Variants in OXCT1 observed in about 807,000 individuals in gnomAD.
The protein encoded by OXCT1 is 3-oxoacid CoA-transferase 1.
Under a neutral mutation model 69.6 loss-of-function variants are expected in OXCT1, and 27 were observed. The observed-to-expected ratio is 0.39, with a 90% CI of 0.29 to 0.54. The LOEUF (loss-of-function observed/expected upper bound fraction) is 0.54. OXCT1 is among the 20% of genes least tolerant of loss of function. The pLI is 0.72. For synonymous variants in OXCT1, 202 were observed against 217.8 expected, an observed-to-expected ratio of 0.93 and a Z score of 0.64; for missense variants, 437 against 650.2, an observed-to-expected ratio of 0.67 and a Z score of 3.57.
At chr5:41,830,353 T>C (rs1303489503) in intron 7 of OXCT1, among the ~76,000 whole-genome samples, 1 of 152,182 alleles carries the variant, frequency 6.6e-6, no homozygotes, top group Non-Finnish European at 1.5e-5. Context: ...CCTTTTTCTT[T>C]CTCTTAAAAG....
At chr5:41,817,848 G>A (rs1278978425) in intron 7 of OXCT1, among the ~76,000 whole-genome samples, 2 of 152,162 alleles carry the variant, frequency 1.3e-5, no homozygotes, top group African/African-American at 4.8e-5. Context: ...AGGAAACTAG[G>A]CACAGTAATA....
intron 11 of OXCT1, among the ~76,000 whole-genome samples, chr5:41,798,571 G>C (rs1746285341): frequency 6.6e-6 from 1 of 152,184 alleles, no homozygotes; most frequent in Non-Finnish European, 1.5e-5. Context: ...AAAACGACTA[G>C]TGCAGAGAGG....
intron 1 of OXCT1, chr5:41,869,969 A>C: frequency 2.4e-6 from 1 of 423,774 alleles, no homozygotes; most frequent in Admixed American, 3.5e-5. Flanking sequence ...CCAGGAGGGA[A>C]GCCGACGAGC....
At chr5:41,779,140 A>G (rs1745274696) in intron 13 of OXCT1, among the ~76,000 whole-genome samples, 1 of 152,200 alleles carries the variant, frequency 6.6e-6, no homozygotes, top group African/African-American at 2.4e-5. Context: ...TTGAAGTTTT[A>G]CCACCTCTCA....
intron 7 of OXCT1, among the ~76,000 whole-genome samples, chr5:41,826,375 T>C (rs1282103724): frequency 1.3e-5 from 2 of 152,182 alleles, no homozygotes; most frequent in African/African-American, 4.8e-5. Context: ...ATTTACAATG[T>C]AGTTCAATAG....
intron 9 of OXCT1, among the ~76,000 whole-genome samples, chr5:41,804,035 A>G (rs1166284868): frequency 1.3e-5 from 2 of 152,222 alleles, no homozygotes; most frequent in East Asian, 3.9e-4. Context: ...ATCTTCACAA[A>G]TCAAGGCCAG....
chr5:41,848,474 A>G lies in OXCT1; in HGVS notation c.564+1556T>C, dbSNP rs1471080359. Among the ~76,000 whole-genome samples the G allele has an allele frequency of 4.0e-4, 59 of 146,276 alleles. No homozygotes were observed. The South Asian group carries it at 0.013, about 31-fold the overall frequency. On this transcript the variant is annotated intron_variant, in intron 5 of 16. Transcript: ENST00000196371. The stretch of plus-strand genomic sequence containing the variant: ...GAACCAAAAAAGAGCCCGCATCGCC[A>G]AGTCAATCCTAAGCCAAAAGAACAA...
intron 15 of OXCT1, among the ~76,000 whole-genome samples, chr5:41,746,747 C>G (rs1256953999): frequency 6.6e-6 from 1 of 152,066 alleles, no homozygotes; most frequent in Non-Finnish European, 1.5e-5. Flanking sequence ...CCAAGAATAT[C>G]ACACTGAGGC....
chr5:41,801,938 G>T (rs981972214), intron 10 of OXCT1, among the ~76,000 whole-genome samples: 1 of 151,676 alleles, frequency 6.6e-6, no homozygotes, highest in African/African-American at 2.4e-5. Context: ...AGAAATATTG[G>T]CTGTGAAATT....
At chr5:41,758,732 G>T (rs1312678375) in intron 14 of OXCT1, among the ~76,000 whole-genome samples, 1 of 152,154 alleles carries the variant, frequency 6.6e-6, no homozygotes, top group Non-Finnish European at 1.5e-5. Flanking sequence ...TTACAGGTTT[G>T]TACCCAAGGC....
At chr5:41,789,617 G>A (rs955250110) in intron 13 of OXCT1, among the ~76,000 whole-genome samples, 3 of 152,164 alleles carry the variant, frequency 2.0e-5, no homozygotes, top group Admixed American at 6.5e-5. Context: ...AAAGTTTTAT[G>A]AGCTTTCCAC....
Position 41,850,114 on chromosome 5 carries a change from C to A in OXCT1, c.480G>T (p.Gly160=), listed in dbSNP as rs78432029. ...CTCCTTCTTGTACCAGGGTCCCATACCCTGTTGGGGTGTAAAATGCAGGAA... is the reference window on the plus strand; with the variant it reads ...CTCCTTCTTGTACCAGGGTCCCATAACCTGTTGGGGTGTAAAATGCAGGAA... The part of the protein sequence containing the change: ...AGVPAFYTPT[G]YGTLVQEGGS... Residue 160 remains glycine, a synonymous_variant, in exon 5 of 17, where the codon GGG becomes GGT. Transcript: ENST00000196371. The A allele has an allele frequency of 3.6e-3, 5,734 of 1,613,900 alleles. 71 individuals carry two copies. In the African/African-American group the frequency reaches 0.037, roughly 10 times the overall value.
At chr5:41,766,581 AAAC>A (rs956708462) in intron 13 of OXCT1, among the ~76,000 whole-genome samples, 41 of 150,998 alleles carry the variant, frequency 2.7e-4, no homozygotes, top group African/African-American at 8.6e-4. Flanking sequence ...AAAAAAAAAA[AAAC>A]AACAACAACA....
intron 13 of OXCT1, among the ~76,000 whole-genome samples, chr5:41,770,292 G>A (rs1376456551): frequency 2.6e-5 from 4 of 152,154 alleles, no homozygotes; most frequent in African/African-American, 9.7e-5. Flanking sequence ...AAAAGAGGTG[G>A]CTAAAATAAA....
chr5:41,815,045 C>T (rs1445539198), intron 7 of OXCT1, among the ~76,000 whole-genome samples: 1 of 151,946 alleles, frequency 6.6e-6, no homozygotes, highest in East Asian at 1.9e-4. Context: ...ATGGATAAAA[C>T]ACTCTGAACT....
chr5:41,732,552 T>C (rs1011291915), intron 16 of OXCT1, among the ~76,000 whole-genome samples: 1 of 152,172 alleles, frequency 6.6e-6, no homozygotes, highest in African/African-American at 2.4e-5. Flanking sequence ...TAATTCAACA[T>C]GGCAAATATT....
chr5:41,743,630 T>G (rs1446425397), intron 15 of OXCT1, among the ~76,000 whole-genome samples: 1 of 152,238 alleles, frequency 6.6e-6, no homozygotes, highest in Non-Finnish European at 1.5e-5. Flanking sequence ...ATTTAACTCT[T>G]TAATCCATCT....
intron 14 of OXCT1, among the ~76,000 whole-genome samples, chr5:41,761,507 T>G (rs1744344854): frequency 6.6e-6 from 1 of 152,118 alleles, no homozygotes; most frequent in African/African-American, 2.4e-5. Context: ...ATGAGATCAG[T>G]AATTTTTGTC....
At chr5:41,811,552 G>A (rs529982137) in intron 7 of OXCT1, among the ~76,000 whole-genome samples, 2 of 152,090 alleles carry the variant, frequency 1.3e-5, no homozygotes, top group African/African-American at 4.8e-5. Flanking sequence ...GAGCAAGAAA[G>A]TGAATATATT....
Sources: gnomAD v4.1 joint callset for allele counts (sites outside exome capture counted in the v4.1 genomes callset) on GRCh38, gnomAD v4.1.1 for gene constraint, MANE v1.5 for transcripts, NCBI Gene and HGNC (gene_info 2026-07-23, HGNC 2026-07-21) for gene names.